EFCAB5: variants seen among roughly 807,000 people sequenced by gnomAD.
EFCAB5 encodes EF-hand calcium-binding domain-containing protein 5.
EFCAB5 carries 131 observed loss-of-function variants against 167.9 expected under a neutral mutation model. That is an observed-to-expected ratio of 0.78 (90% CI 0.68 to 0.90). The LOEUF is 0.90. Among genes scored for constraint, EFCAB5 ranks in the 40% least tolerant of loss-of-function variants. EFCAB5 has a pLI of 0.00. For synonymous variants in EFCAB5, 574 were observed against 602.8 expected (o/e 0.95, Z 0.70); for missense variants, 1,663 against 1,745.2 (o/e 0.95, Z 0.84).
intron 19 of EFCAB5, among the ~76,000 whole-genome samples, chr17:30,089,694 G>A (rs1002085973): frequency 2.0e-5 from 3 of 152,100 alleles, no homozygotes; most frequent in East Asian, 1.9e-4. Context: ...GCCCTTGAGC[G>A]ATTGGAGCTC....
chr17:30,090,785 C>T (rs1411545441), intron 20 of EFCAB5, 111 bp downstream of exon 20: 3 of 1,402,336 alleles, frequency 2.1e-6, no homozygotes, highest in African/African-American at 2.9e-5. Flanking sequence ...ACAACATACA[C>T]ATCTTTTCAT....
At chr17:29,957,904 A>C (rs2067649462) in intron 3 of EFCAB5, among the ~76,000 whole-genome samples, 2 of 152,192 alleles carry the variant, frequency 1.3e-5, no homozygotes, top group South Asian at 2.1e-4. Flanking sequence ...TCTTTGAGGA[A>C]TCACCACACT....
chr17:30,043,152 T>C (rs1289513014), intron 8 of EFCAB5, among the ~76,000 whole-genome samples: 1 of 152,060 alleles, frequency 6.6e-6, no homozygotes, highest in Non-Finnish European at 1.5e-5. Context: ...TTCATCACAT[T>C]AAGAGACCAA....
intron 4 of EFCAB5, among the ~76,000 whole-genome samples, chr17:29,971,533 A>G (rs2067955476): frequency 6.6e-6 from 1 of 152,188 alleles, no homozygotes; most frequent in African/African-American, 2.4e-5. Context: ...TTTTATCTCA[A>G]TGGGAAAATG....
intron 14 of EFCAB5, among the ~76,000 whole-genome samples, chr17:30,071,331 A>G (rs1447430009): frequency 1.3e-5 from 1 of 75,024 alleles, no homozygotes; most frequent in Non-Finnish European, 3.0e-5. Context: ...ATTCAAATTT[A>G]AAATGGGTAA....
chr17:29,945,085 C>G (rs78591555), intron 3 of EFCAB5, among the ~76,000 whole-genome samples: 2,319 of 152,254 alleles, frequency 0.015, 60 homozygotes, highest in African/African-American at 0.052. Context: ...AGACATTCAT[C>G]TCTTTCATTA....
chr17:30,027,945 T>C (rs1429290779), intron 7 of EFCAB5, among the ~76,000 whole-genome samples: 1 of 152,166 alleles, frequency 6.6e-6, no homozygotes. Flanking sequence ...CCTCAAGCAG[T>C]CTGAGGTCCA....
chr17:30,104,748 A>C (rs1436553986), intron 22 of EFCAB5, among the ~76,000 whole-genome samples: 1 of 152,148 alleles, frequency 6.6e-6, no homozygotes, highest in African/African-American at 2.4e-5. Context: ...AGGAATCGTT[A>C]GAGCCGGTCG....
At chr17:30,101,024 G>A (rs1429679186) in intron 22 of EFCAB5, among the ~76,000 whole-genome samples, 1 of 152,148 alleles carries the variant, frequency 6.6e-6, no homozygotes, top group Non-Finnish European at 1.5e-5. Flanking sequence ...GAGTTCAGGA[G>A]GTAATGGAGG....
At position 30,090,186 on chromosome 17, in the gene EFCAB5, T is replaced by C. The variant is rs189695291; in HGVS notation, c.3684-235T>C. On this transcript the variant is annotated intron_variant, in intron 19 of 22. Transcript: ENST00000394835. The stretch of plus-strand genomic sequence containing the variant: ...AGAGTGGCTTGGGCGCTGCTTGAGA[T>C]TGGGTGGTCAGGGACGCCTTCTCTG... 1.7e-3 allele frequency among the ~76,000 whole-genome samples: 266 copies of C among 152,110 alleles called. 1 individual carries two copies. Among genetic ancestry groups the C allele is most frequent in the Non-Finnish European group, 2.7e-3 (183 of 67,980 alleles).
intron 15 of EFCAB5, among the ~76,000 whole-genome samples, chr17:30,079,359 G>C (rs1261337700): frequency 6.6e-6 from 1 of 151,972 alleles, no homozygotes. Context: ...AGGAATAAAG[G>C]CAAAAGAAAA....
At chr17:29,930,280 G>A (rs1455705575) in intron 1 of EFCAB5, 2 of 488,706 alleles carry the variant, frequency 4.1e-6, no homozygotes, top group East Asian at 7.2e-5. Flanking sequence ...TCTCCCCTCG[G>A]CGCGCGCCGC....
At chr17:29,990,491 C>A (rs1185950177) in intron 4 of EFCAB5, among the ~76,000 whole-genome samples, 1 of 152,132 alleles carries the variant, frequency 6.6e-6, no homozygotes, top group African/African-American at 2.4e-5. Context: ...TGAATTTCCC[C>A]ATTGTAATCT....
chr17:30,020,570 GT>G (rs984019259), intron 7 of EFCAB5, among the ~76,000 whole-genome samples: 2 of 151,926 alleles, frequency 1.3e-5, no homozygotes, highest in African/African-American at 4.8e-5. Flanking sequence ...GGCCAGGCTG[GT>G]CTCAAACTCC....
chr17:30,062,983 T>C (rs2070465143), intron 14 of EFCAB5, among the ~76,000 whole-genome samples: 1 of 152,138 alleles, frequency 6.6e-6, no homozygotes, highest in Non-Finnish European at 1.5e-5. Flanking sequence ...CACATTGCCC[T>C]CTGGGAATTG....
intron 20 of EFCAB5, 62 bp downstream of exon 20, chr17:30,090,736 G>A: frequency 6.5e-7 from 1 of 1,538,128 alleles, no homozygotes; most frequent in Non-Finnish European, 8.7e-7. Context: ...GAAATCACAG[G>A]GAGTGCAATG....
intron 8 of EFCAB5, among the ~76,000 whole-genome samples, chr17:30,045,225 G>A (rs1255678360): frequency 6.6e-6 from 1 of 152,124 alleles, no homozygotes. Flanking sequence ...TGGAGGCCAA[G>A]GCAGGTGGAT....
At chr17:30,030,010 C>G (rs769667324) in intron 7 of EFCAB5, among the ~76,000 whole-genome samples, 10 of 152,154 alleles carry the variant, frequency 6.6e-5, no homozygotes, top group Admixed American at 6.5e-5. Context: ...TAACATCTCA[C>G]AGAGATATTA....
chr17:29,936,478 G>A (rs749946451), intron 1 of EFCAB5, among the ~76,000 whole-genome samples: 3 of 152,080 alleles, frequency 2.0e-5, no homozygotes, highest in Non-Finnish European at 4.4e-5. Flanking sequence ...AGAAGCAATC[G>A]GGATAGACAA....
Sources: gnomAD v4.1 joint callset for allele counts (sites outside exome capture counted in the v4.1 genomes callset) on GRCh38, gnomAD v4.1.1 for gene constraint, MANE v1.5 for transcripts, NCBI Gene and HGNC (gene_info 2026-07-23, HGNC 2026-07-21) for gene names.